COL14A1: variants seen among roughly 807,000 people sequenced by gnomAD.
COL14A1 encodes collagen type XIV alpha 1 chain.
In COL14A1, 136 loss-of-function variants were observed where a neutral mutation model predicts 230.3. The ratio of observed to expected loss-of-function variants is 0.59; its 90% CI spans 0.51 to 0.68. The LOEUF is 0.68. Ranked by LOEUF, COL14A1 falls within the 30% of genes least tolerant of loss-of-function variation. The probability of loss-of-function intolerance (pLI) is 0.00; values close to 1 mark genes in which losing one functional copy is unlikely to be tolerated. For missense variants in COL14A1, 1,976 were observed against 2,215.8 expected (o/e 0.89, Z 2.17); for synonymous variants, 792 against 784.1 (o/e 1.01, Z -0.17).
At chr8:120,345,606 G>A (rs1822482690) in intron 45 of COL14A1, 43 bp downstream of exon 45, 1 of 1,450,144 alleles carries the variant, frequency 6.9e-7, no homozygotes, top group East Asian at 2.7e-5. Context: ...TCTGAGTTGG[G>A]TGCAGGGAAG....
chr8:120,282,512 G>A (rs1820069535), intron 31 of COL14A1, among the ~76,000 whole-genome samples: 1 of 152,140 alleles, frequency 6.6e-6, no homozygotes, highest in South Asian at 2.1e-4. Context: ...CTGGCATATA[G>A]TTGGCACTCA....
intron 40 of COL14A1, among the ~76,000 whole-genome samples, chr8:120,319,719 AG>A (rs1821370144): frequency 6.6e-6 from 1 of 152,224 alleles, no homozygotes; most frequent in Non-Finnish European, 1.5e-5. Flanking sequence ...TGACTCTTAG[AG>A]GTAGCTTTTA....
chr8:120,201,148 C>T (rs1817236323), intron 8 of COL14A1, among the ~76,000 whole-genome samples: 2 of 151,920 alleles, frequency 1.3e-5, no homozygotes, highest in South Asian at 4.2e-4. Context: ...TGTATATTAT[C>T]CTATAGTAAT....
At chr8:120,340,381 GA>G (rs1822252788) in intron 42 of COL14A1, among the ~76,000 whole-genome samples, 1 of 152,190 alleles carries the variant, frequency 6.6e-6, no homozygotes, top group Non-Finnish European at 1.5e-5. Flanking sequence ...ACTGTGGGAT[GA>G]AACCAGAAGT....
intron 9 of COL14A1, among the ~76,000 whole-genome samples, chr8:120,205,284 GA>G (rs1817391493): frequency 6.6e-6 from 1 of 152,110 alleles, no homozygotes. Context: ...CCATGTCTGG[GA>G]TATATGAGTA....
intron 5 of COL14A1, among the ~76,000 whole-genome samples, chr8:120,192,789 T>A (rs935888890): frequency 6.6e-6 from 1 of 152,006 alleles, no homozygotes; most frequent in African/African-American, 2.4e-5. Context: ...GCTTCATTTC[T>A]TTCATTTCAT....
intron 19 of COL14A1, among the ~76,000 whole-genome samples, chr8:120,232,329 T>A (rs1334772030): frequency 1.3e-5 from 2 of 152,204 alleles, no homozygotes; most frequent in Non-Finnish European, 2.9e-5. Context: ...GCAGGTTTTT[T>A]ACATAGGTAT....
At chr8:120,195,654 T>A (rs13261812) in intron 5 of COL14A1, among the ~76,000 whole-genome samples, 86,707 of 152,052 alleles carry the variant, frequency 0.57, 26,172 homozygotes, top group African/African-American at 0.77. Flanking sequence ...CACATCTTAC[T>A]TGGTGGCAGG....
At chr8:120,224,979 T>G in intron 14 of COL14A1, 109 bp from the exon 15 acceptor site, 1 of 954,774 alleles carries the variant, frequency 1.0e-6, no homozygotes, top group Non-Finnish European at 1.5e-6. Context: ...TAATTTGTTT[T>G]GCAGTGTTTA....
intron 45 of COL14A1, among the ~76,000 whole-genome samples, chr8:120,360,408 C>A (rs1823152373): frequency 6.6e-6 from 1 of 152,190 alleles, no homozygotes; most frequent in South Asian, 2.1e-4. Context: ...CTGGCCTAGA[C>A]TAGCCTTATA....
chr8:120,159,351 GATT>G (rs1051682176), intron 3 of COL14A1, among the ~76,000 whole-genome samples: 1 of 152,158 alleles, frequency 6.6e-6, no homozygotes, highest in Non-Finnish European at 1.5e-5. Context: ...TGTTACCTAT[GATT>G]GTCATAAAGA....
At chr8:120,286,839 G>A (rs1233076207) in intron 33 of COL14A1, among the ~76,000 whole-genome samples, 1 of 152,180 alleles carries the variant, frequency 6.6e-6, no homozygotes, top group African/African-American at 2.4e-5. Flanking sequence ...CTCAGCACTT[G>A]TGGTATAACT....
chr8:120,208,716 C>T (rs1013323789), intron 11 of COL14A1, among the ~76,000 whole-genome samples: 1 of 152,114 alleles, frequency 6.6e-6, no homozygotes, highest in Non-Finnish European at 1.5e-5. Context: ...AACTCCATAG[C>T]TCTCCCGCCC....
chr8:120,340,441 G>A (rs1405569965), intron 42 of COL14A1, among the ~76,000 whole-genome samples: 3 of 152,162 alleles, frequency 2.0e-5, no homozygotes, highest in African/African-American at 7.2e-5. Flanking sequence ...AGAAGATACC[G>A]AGTTTGGCTT....
At chr8:120,215,620 T>C (rs964761875) in intron 13 of COL14A1, among the ~76,000 whole-genome samples, 19 of 151,916 alleles carry the variant, frequency 1.3e-4, no homozygotes, top group African/African-American at 4.3e-4. Flanking sequence ...AGTTGGGAGA[T>C]TGGCTGGGAG....
chr8:120,332,680 C>G lies in COL14A1; in HGVS notation c.4730C>G (p.Pro1577Arg). ...PPGPIGIPGT[P>R]GVPGITGSMG... ...CTCTTCTAGGGCATTCCTGGCACCC[C>G]TGGAGTCCCAGGGATCACAGGAAGC... is the stretch of plus-strand genomic sequence containing the variant. Residue 1577 changes from proline to arginine, a missense_variant, in exon 42 of 48, where the codon CCT (proline) becomes CGT (arginine). This residue lies in a region of COL14A1 where 1,791 missense variants were observed against 2,019.5 expected (regional missense o/e 0.89). Coordinates refer to ENST00000297848, the MANE Select transcript of COL14A1 (RefSeq NM_021110.4). 1 of 1,613,190 alleles carries G rather than the reference C, an allele frequency of 6.2e-7. No homozygotes were observed. The highest frequency in any genetic ancestry group is 1.3e-5 in the African/African-American group (1 of 75,046).
chr8:120,347,055 T>C lies in COL14A1; in HGVS notation c.5077+1492T>C, dbSNP rs139848728. 2.1e-3 allele frequency among the ~76,000 whole-genome samples: 320 copies of C among 152,280 alleles called. 2 individuals carry two copies. Among genetic ancestry groups the C allele is most frequent in the Non-Finnish European group, 1.9e-3 (126 of 68,024 alleles). On this transcript the variant is annotated intron_variant, in intron 45 of 47. Coordinates refer to ENST00000297848, the MANE Select transcript of COL14A1 (RefSeq NM_021110.4). Reference sequence around the variant, plus strand: ...CTGTCAGCAGGGCATCCTCTGCTGCTGTCAATAATGGAGAAACTGTGACTC... The same window carrying C: ...CTGTCAGCAGGGCATCCTCTGCTGCCGTCAATAATGGAGAAACTGTGACTC...
chr8:120,362,226 C>T (rs937310562), intron 45 of COL14A1, among the ~76,000 whole-genome samples: 4 of 152,168 alleles, frequency 2.6e-5, no homozygotes, highest in African/African-American at 9.7e-5. Flanking sequence ...TAGCTAAGGA[C>T]AAGTGAGTTA....
intron 5 of COL14A1, among the ~76,000 whole-genome samples, chr8:120,183,468 C>T (rs1295500288): frequency 6.6e-6 from 1 of 152,164 alleles, no homozygotes; most frequent in African/African-American, 2.4e-5. Flanking sequence ...CTTTGGACAT[C>T]CTGTCTGTAA....
Sources: gnomAD v4.1 joint callset for allele counts (sites outside exome capture counted in the v4.1 genomes callset) on GRCh38, gnomAD v4.1.1 for gene constraint, gnomAD v4.1.1 regional missense constraint, MANE v1.5 for transcripts, NCBI Gene and HGNC (gene_info 2026-07-23, HGNC 2026-07-21) for gene names.